CSTPP1: variants seen among roughly 807,000 people sequenced by gnomAD.
CSTPP1 encodes centriolar satellite-associated tubulin polyglutamylase complex regulator 1.
chr11:47,093,517 T>C, the CSTPP1 span, among the ~76,000 whole-genome samples: 1 of 152,338 alleles, frequency 6.6e-6, no homozygotes, highest in Admixed American at 6.5e-5. Flanking sequence ...GGAGCTTACA[T>C]TCCATGATGA....
chr11:47,070,473 C>T, the CSTPP1 span, among the ~76,000 whole-genome samples: 2 of 152,114 alleles, frequency 1.3e-5, no homozygotes, highest in Non-Finnish European at 2.9e-5. Flanking sequence ...CAAACGTACT[C>T]GACCACAGCC....
At chr11:47,121,682 G>C in the CSTPP1 span, among the ~76,000 whole-genome samples, 2 of 152,094 alleles carry the variant, frequency 1.3e-5, no homozygotes, top group Non-Finnish European at 2.9e-5. Flanking sequence ...TCAAGGCAGA[G>C]TTTCAAGTCT....
the CSTPP1 span, among the ~76,000 whole-genome samples, chr11:47,142,241 CAAAA>C: frequency 3.9e-5 from 5 of 127,754 alleles, no homozygotes; most frequent in Non-Finnish European, 1.7e-5. Context: ...GACTCCATCT[CAAAA>C]AAAAAAAAAA....
At chr11:46,962,726 G>T in the CSTPP1 span, among the ~76,000 whole-genome samples, 1 of 151,992 alleles carries the variant, frequency 6.6e-6, no homozygotes, top group African/African-American at 2.4e-5. Flanking sequence ...CCTTTGAATT[G>T]TTCATTGCTC....
chr11:47,153,200 T>C, the CSTPP1 span, among the ~76,000 whole-genome samples: 2 of 151,776 alleles, frequency 1.3e-5, no homozygotes, highest in South Asian at 4.1e-4. Flanking sequence ...TTCCTTGGGT[T>C]ATGAGATGGG....
chr11:47,160,815 A>AG, the CSTPP1 span: 2 of 401,590 alleles, frequency 5.0e-6, no homozygotes, highest in East Asian at 5.0e-5. Context: ...TGAGGCCTCA[A>AG]GAAGGAACTC....
chr11:47,062,413 T>G, the CSTPP1 span, among the ~76,000 whole-genome samples: 1 of 152,336 alleles, frequency 6.6e-6, no homozygotes, highest in East Asian at 1.9e-4. Flanking sequence ...TTTTAAAATC[T>G]GCTTTACACT....
the CSTPP1 span, chr11:47,160,764 T>C: frequency 2.3e-4 from 48 of 207,734 alleles, no homozygotes; most frequent in Admixed American, 2.4e-3. Context: ...ATGTCTGACC[T>C]TTGGGCTTAG....
the CSTPP1 span, among the ~76,000 whole-genome samples, chr11:47,090,206 A>T: frequency 6.6e-6 from 1 of 152,124 alleles, no homozygotes; most frequent in South Asian, 2.1e-4. Flanking sequence ...GCTGGTCTCG[A>T]ACTCCCGACC....
chr11:47,060,258 C>CTT, the CSTPP1 span, among the ~76,000 whole-genome samples: 84 of 99,036 alleles, frequency 8.5e-4, 3 homozygotes, highest in African/African-American at 2.9e-3. Context: ...CTTTTCTTTT[C>CTT]TTTTTTTTTT....
At chr11:47,147,357 C>G in the CSTPP1 span, among the ~76,000 whole-genome samples, 1 of 152,098 alleles carries the variant, frequency 6.6e-6, no homozygotes, top group South Asian at 2.1e-4. Flanking sequence ...CTGGAGGAAC[C>G]AAGAGAAGCC....
chr11:47,153,002 G>C, the CSTPP1 span, among the ~76,000 whole-genome samples: 9 of 152,192 alleles, frequency 5.9e-5, no homozygotes, highest in African/African-American at 2.2e-4. Flanking sequence ...AAAGCTTTGA[G>C]GTGCTGGTGG....
At chr11:47,015,746 T>C in the CSTPP1 span, among the ~76,000 whole-genome samples, 1 of 152,060 alleles carries the variant, frequency 6.6e-6, no homozygotes, top group African/African-American at 2.4e-5. Flanking sequence ...ATTCTTAAAA[T>C]TTTAGTAAAT....
chr11:47,130,099 G>C, the CSTPP1 span, among the ~76,000 whole-genome samples: 1 of 151,898 alleles, frequency 6.6e-6, no homozygotes, highest in Non-Finnish European at 1.5e-5. Context: ...TCTACTAAAA[G>C]TACAAAAATT....
chr11:46,959,717 A>G, the CSTPP1 span, among the ~76,000 whole-genome samples: 44 of 152,122 alleles, frequency 2.9e-4, no homozygotes, highest in African/African-American at 9.4e-4. Context: ...TTTTCTGTTC[A>G]TACAATAAGT....
chr11:47,057,553 G>A, the CSTPP1 span, among the ~76,000 whole-genome samples: 2 of 152,198 alleles, frequency 1.3e-5, no homozygotes, highest in Non-Finnish European at 2.9e-5. Context: ...GCAATAGGCA[G>A]TGGGGGCTGT....
the CSTPP1 span, among the ~76,000 whole-genome samples, chr11:47,124,114 C>CTCTTTTTT: frequency 1.6e-5 from 1 of 63,216 alleles, no homozygotes; most frequent in Non-Finnish European, 2.7e-5. Context: ...AATGGTCTTA[C>CTCTTTTTT]TTTTTTTTTT....
chr11:46,972,648 A>G, the CSTPP1 span, among the ~76,000 whole-genome samples: 3 of 152,118 alleles, frequency 2.0e-5, no homozygotes, highest in Admixed American at 6.6e-5. Context: ...GCTACCTCAT[A>G]TTTTATGTGC....
At chr11:47,137,968 TG>T in the CSTPP1 span, 4 of 572,392 alleles carry the variant, frequency 7.0e-6, no homozygotes, top group Non-Finnish European at 1.2e-5. Context: ...AGTTGGAGGG[TG>T]GTGAGATGAA....
Sources: allele counts gnomAD v4.1 joint callset (sites outside exome capture counted in the v4.1 genomes callset), GRCh38; gene constraint gnomAD v4.1.1; transcripts MANE v1.5; gene names NCBI Gene and HGNC (gene_info 2026-07-23, HGNC 2026-07-21).